Variants in SASH1 observed in about 807,000 individuals in gnomAD.
The protein encoded by SASH1 is SAM and SH3 domain-containing protein 1.
SASH1 carries 44 observed loss-of-function variants against 125.2 expected under a neutral mutation model. That is an observed-to-expected ratio of 0.35 (90% CI 0.28 to 0.45). The LOEUF (loss-of-function observed/expected upper bound fraction) is 0.45, where lower values mean the gene tolerates loss of function less well. SASH1 is among the 20% of genes least tolerant of loss of function. SASH1 has a pLI of 1.00. For missense variants in SASH1, 1,426 were observed against 1,614.5 expected (o/e 0.88, Z 2.00); for synonymous variants, 639 against 649.1 (o/e 0.98, Z 0.24).
intron 2 of SASH1, among the ~76,000 whole-genome samples, chr6:148,415,624 A>G (rs1385008647): frequency 1.3e-5 from 2 of 152,212 alleles, no homozygotes; most frequent in Non-Finnish European, 2.9e-5. Flanking sequence ...ATAAATACAA[A>G]TAGGTTTGAA....
In SASH1 at chr6:148,530,272, A is replaced by AAT. The variant is rs563401547; in HGVS notation, c.1429-1249_1429-1248dup. ...TTAATAATTTTTTAAAGCATTTGAAAATATATCAGAGACCCACATTTACTA... is the reference window on the plus strand; with the variant it reads ...TTAATAATTTTTTAAAGCATTTGAAAATATATATCAGAGACCCACATTTACTA... On this transcript the variant is annotated intron_variant, in intron 12 of 19. Coordinates refer to ENST00000367467, the MANE Select transcript of SASH1 (RefSeq NM_015278.5). Among the ~76,000 whole-genome samples the AAT allele has an allele frequency of 2.0e-3, 299 of 152,352 alleles. 2 individuals are homozygous for AAT. The highest frequency in any genetic ancestry group is 6.8e-3 in the African/African-American group (282 of 41,582).
At chr6:148,322,506 C>G (rs1393964664) in intron 1 of SASH1, among the ~76,000 whole-genome samples, 1 of 152,156 alleles carries the variant, frequency 6.6e-6, no homozygotes, top group African/African-American at 2.4e-5. Flanking sequence ...TATTTTTCTC[C>G]CAGTCATCCT....
chr6:148,423,398 A>G (rs930582856), intron 2 of SASH1, among the ~76,000 whole-genome samples: 11 of 152,358 alleles, frequency 7.2e-5, no homozygotes, highest in African/African-American at 2.4e-4. Context: ...AGATGGTTAG[A>G]AAATATGGTT....
At chr6:148,209,521 T>C in the SASH1 span, among the ~76,000 whole-genome samples, 1 of 152,232 alleles carries the variant, frequency 6.6e-6, no homozygotes, top group Non-Finnish European at 1.5e-5. Context: ...CATCTGTTCT[T>C]GAGTCCTGGA....
chr6:148,508,821 T>TGGG (rs762299850), intron 8 of SASH1: 4 of 580,574 alleles, frequency 6.9e-6, no homozygotes, highest in South Asian at 6.2e-5. Flanking sequence ...GGGAGGGGGG[T>TGGG]GGGAGGTACA....
intron 2 of SASH1, among the ~76,000 whole-genome samples, chr6:148,434,395 T>C (rs896545397): frequency 1.3e-5 from 2 of 152,154 alleles, no homozygotes; most frequent in Non-Finnish European, 2.9e-5. Flanking sequence ...ATTTTTAAGC[T>C]AATCTTTCAT....
At chr6:148,314,792 C>T (rs1366639886) in intron 1 of SASH1, among the ~76,000 whole-genome samples, 4 of 140,106 alleles carry the variant, frequency 2.9e-5, no homozygotes, top group South Asian at 2.2e-4. Flanking sequence ...TTTTTTGAGA[C>T]GGAGCCCAGG....
chr6:148,209,245 T>C, the SASH1 span, among the ~76,000 whole-genome samples: 1 of 152,372 alleles, frequency 6.6e-6, no homozygotes, highest in East Asian at 1.9e-4. Context: ...AGCTATTCCG[T>C]AATACACCTT....
At chr6:148,375,576 A>G (rs1782860293) in intron 1 of SASH1, among the ~76,000 whole-genome samples, 1 of 152,204 alleles carries the variant, frequency 6.6e-6, no homozygotes. Flanking sequence ...TTTTATGATG[A>G]AAATTGAGAT....
chr6:148,257,123 T>A, the SASH1 span, among the ~76,000 whole-genome samples: 2 of 152,178 alleles, frequency 1.3e-5, no homozygotes, highest in Non-Finnish European at 2.9e-5. Flanking sequence ...AAGAAGTCAT[T>A]GGTGAAGTCT....
chr6:148,367,215 C>T (rs1188283467), intron 1 of SASH1, among the ~76,000 whole-genome samples: 1 of 152,104 alleles, frequency 6.6e-6, no homozygotes, highest in Non-Finnish European at 1.5e-5. Context: ...TGAGCCACCG[C>T]ACCTGGCCAC....
chr6:148,429,385 TAAAAAAAAAAAA>T (rs61460366), intron 2 of SASH1, among the ~76,000 whole-genome samples: 2 of 73,938 alleles, frequency 2.7e-5, no homozygotes, highest in African/African-American at 5.3e-5. Context: ...CCCTGTCTCT[TAAAAAAAAAAAA>T]AAAAAAAAAA....
At chr6:148,222,659 T>A in the SASH1 span, among the ~76,000 whole-genome samples, 2 of 152,230 alleles carry the variant, frequency 1.3e-5, no homozygotes, top group African/African-American at 4.8e-5. Flanking sequence ...TGCATAATAA[T>A]TCTCCACATA....
chr6:148,387,598 T>TTCTTTCTTTCTC, intron 1 of SASH1, among the ~76,000 whole-genome samples: 1 of 13,156 alleles, frequency 7.6e-5, no homozygotes, highest in Non-Finnish European at 1.4e-4. Context: ...CTTTCTTTCT[T>TTCTTTCTTTCTC]TCTTTCTTTC....
the SASH1 span, among the ~76,000 whole-genome samples, chr6:148,208,543 G>A: frequency 6.6e-6 from 1 of 152,122 alleles, no homozygotes; most frequent in Non-Finnish European, 1.5e-5. Context: ...TCTTTGCTTA[G>A]CAGCTGACAT....
intron 8 of SASH1, among the ~76,000 whole-genome samples, chr6:148,501,556 A>C (rs920686529): frequency 1.3e-5 from 2 of 152,288 alleles, no homozygotes; most frequent in Admixed American, 6.5e-5. Context: ...CTCTGAACAG[A>C]GGGACCTGTA....
chr6:148,536,064 G>A (rs1446657744), intron 16 of SASH1, among the ~76,000 whole-genome samples: 1 of 71,194 alleles, frequency 1.4e-5, no homozygotes, highest in African/African-American at 4.4e-5. Context: ...TTTAGGGATA[G>A]ATTTGGGATA....
chr6:148,448,140 ATGTG>A (rs1247164357), intron 4 of SASH1, among the ~76,000 whole-genome samples: 5 of 66,270 alleles, frequency 7.5e-5, no homozygotes, highest in Admixed American at 1.4e-4. Flanking sequence ...GTGTGTGTGT[ATGTG>A]TGTGTGTGCG....
In SASH1 at chr6:148,468,582, G is replaced by T. The variant is rs1281799219; in HGVS notation, c.424G>T (p.Val142Leu). Residue 142 changes from valine to leucine, a missense_variant, in exon 5 of 20, where the codon GTA becomes TTA. Physicochemically the swap from Val to Leu is conservative, Grantham distance 32 (BLOSUM62 1). Around this residue, in one of 3 missense-constraint regions of SASH1, gnomAD observed 567 missense variants for 575.6 expected, o/e 0.99. Coordinates refer to ENST00000367467, the MANE Select transcript of SASH1 (RefSeq NM_015278.5). ...TAAATCAAACTCAGAAGACAGCTCTGTAGGTCAGTACCACTTTTCTTGGTT... is the reference window on the plus strand; with the variant it reads ...TAAATCAAACTCAGAAGACAGCTCTTTAGGTCAGTACCACTTTTCTTGGTT... ...LHKSNSEDSS[V>L]GKGDWKKKNK... The T allele has an allele frequency of 2.5e-6, 4 of 1,599,558 alleles. No individual in the cohort carries two copies. Among genetic ancestry groups the T allele is most frequent in the South Asian group, 1.1e-5 (1 of 90,032 alleles).
Sources: allele counts gnomAD v4.1 joint callset (sites outside exome capture counted in the v4.1 genomes callset), GRCh38; gene constraint gnomAD v4.1.1; regional missense constraint gnomAD v4.1.1; transcripts MANE v1.5; gene names NCBI Gene and HGNC (gene_info 2026-07-23, HGNC 2026-07-21).